The following VDAC1 variants were observed in gnomAD, a reference collection of about 807,000 sequenced individuals.
The protein encoded by VDAC1 is non-selective voltage-gated ion channel VDAC1.
A neutral mutation model predicts 34.7 loss-of-function variants in VDAC1; 10 were observed. The observed-to-expected ratio is 0.29, with a 90% CI of 0.18 to 0.49. The LOEUF (loss-of-function observed/expected upper bound fraction) is 0.49. VDAC1 is among the 20% of genes least tolerant of loss of function. The pLI is 0.99. For missense variants in VDAC1, 230 were observed against 347.9 expected (o/e 0.66, Z 2.69); for synonymous variants, 130 against 136.0 (o/e 0.96, Z 0.30).
chr5:134,045,115 G>C, the VDAC1 span, among the ~76,000 whole-genome samples: 3 of 152,214 alleles, frequency 2.0e-5, no homozygotes, highest in Non-Finnish European at 4.4e-5. Flanking sequence ...AGCCACAGTG[G>C]ACAAAGCTCC....
the VDAC1 span, among the ~76,000 whole-genome samples, chr5:134,017,392 GT>G: frequency 6.6e-6 from 1 of 152,040 alleles, no homozygotes; most frequent in Non-Finnish European, 1.5e-5. Context: ...GGAGGTGGAG[GT>G]TGCAGTGAGC....
chr5:134,046,592 G>A, the VDAC1 span, among the ~76,000 whole-genome samples: 1 of 152,236 alleles, frequency 6.6e-6, no homozygotes, highest in Non-Finnish European at 1.5e-5. Flanking sequence ...GGTGGACAGT[G>A]TTCTGCCTAC....
At chr5:134,031,171 A>T in the VDAC1 span, among the ~76,000 whole-genome samples, 3 of 152,210 alleles carry the variant, frequency 2.0e-5, no homozygotes, top group Admixed American at 6.6e-5. Flanking sequence ...TGATCAAGAA[A>T]GAACTAAATC....
intron 5 of VDAC1, 144 bp downstream of exon 5, chr5:133,990,711 A>G: frequency 1.1e-6 from 1 of 930,842 alleles, no homozygotes; most frequent in Non-Finnish European, 1.6e-6. Context: ...CTGGGACCAA[A>G]TCAAAACCAG....
chr5:134,084,047 G>A, the VDAC1 span, among the ~76,000 whole-genome samples: 7 of 152,176 alleles, frequency 4.6e-5, no homozygotes, highest in African/African-American at 1.2e-4. Context: ...TGCTATCAGC[G>A]GTATTTTTAT....
the VDAC1 span, among the ~76,000 whole-genome samples, chr5:134,027,917 C>G: frequency 6.6e-6 from 1 of 150,874 alleles, no homozygotes; most frequent in Non-Finnish European, 1.5e-5. Flanking sequence ...ATTACAGGCG[C>G]CCACCACCAT....
chr5:134,029,021 C>A, the VDAC1 span, among the ~76,000 whole-genome samples: 4 of 152,116 alleles, frequency 2.6e-5, no homozygotes, highest in African/African-American at 4.8e-5. Context: ...CTGAGCCCTC[C>A]TAGCAGCAGT....
chr5:134,078,333 G>A, the VDAC1 span, among the ~76,000 whole-genome samples: 3 of 152,212 alleles, frequency 2.0e-5, no homozygotes, highest in South Asian at 2.1e-4. Context: ...GGGGGGAGGC[G>A]AGGGATTCGG....
chr5:134,069,219 G>A, the VDAC1 span, among the ~76,000 whole-genome samples: 3 of 152,154 alleles, frequency 2.0e-5, no homozygotes, highest in Non-Finnish European at 4.4e-5. Flanking sequence ...GATCACCAGA[G>A]CTGACTAGAG....
the VDAC1 span, among the ~76,000 whole-genome samples, chr5:134,029,044 C>T: frequency 1.3e-5 from 2 of 152,282 alleles, no homozygotes; most frequent in East Asian, 1.9e-4. Context: ...GGTGACCAAT[C>T]GTTCTGGTTT....
intron 1 of VDAC1, among the ~76,000 whole-genome samples, chr5:134,001,044 T>C (rs1264152856): frequency 1.3e-5 from 2 of 152,228 alleles, no homozygotes; most frequent in Non-Finnish European, 2.9e-5. Flanking sequence ...CCACTGCCAG[T>C]TGGCCCGCAC....
intron 5 of VDAC1, among the ~76,000 whole-genome samples, chr5:133,983,738 T>G (rs1025982199): frequency 6.6e-6 from 1 of 152,130 alleles, no homozygotes; most frequent in Non-Finnish European, 1.5e-5. Context: ...CTGAATCTCA[T>G]GTTGAAATGC....
the VDAC1 span, among the ~76,000 whole-genome samples, chr5:134,016,786 G>A: frequency 2.6e-5 from 4 of 152,372 alleles, no homozygotes; most frequent in African/African-American, 9.6e-5. Context: ...TGCACAGGGT[G>A]CTGGCTTTCA....
the VDAC1 span, among the ~76,000 whole-genome samples, chr5:134,061,984 T>G: frequency 6.6e-6 from 1 of 151,484 alleles, no homozygotes; most frequent in Admixed American, 6.6e-5. Flanking sequence ...GTTTTTTTGG[T>G]TTTGTTTTTT....
the VDAC1 span, among the ~76,000 whole-genome samples, chr5:134,026,094 T>G: frequency 6.6e-6 from 1 of 152,152 alleles, no homozygotes; most frequent in Non-Finnish European, 1.5e-5. Context: ...TCACACTCCC[T>G]GCCCTCATGC....
chr5:134,010,910 C>G, the VDAC1 span, among the ~76,000 whole-genome samples: 1 of 151,846 alleles, frequency 6.6e-6, no homozygotes, highest in South Asian at 2.1e-4. Flanking sequence ...ACCATCACCA[C>G]CGTAAAGCAT....
intron 5 of VDAC1, among the ~76,000 whole-genome samples, chr5:133,985,304 C>T (rs1561587742): frequency 6.6e-6 from 1 of 152,200 alleles, no homozygotes; most frequent in Non-Finnish European, 1.5e-5. Context: ...GTTCAAGTTA[C>T]TTCTGTACAT....
the VDAC1 span, among the ~76,000 whole-genome samples, chr5:134,062,684 T>C: frequency 6.6e-6 from 1 of 151,768 alleles, no homozygotes; most frequent in South Asian, 2.1e-4. Flanking sequence ...TAGAGTGCAA[T>C]GGCGCAATCT....
rs1752505853 is a variant in VDAC1, at chr5:133,976,971, G to T, written c.552-950C>A. Among the ~76,000 whole-genome samples the T allele has an allele frequency of 2.0e-5, 3 of 152,216 alleles. No homozygotes were observed. The South Asian group carries it at 6.2e-4, about 32-fold the overall frequency. On this transcript the variant is annotated intron_variant, in intron 6 of 8. Transcript: ENST00000265333. ...AGGCAGGAGAATCGTCTGAACCCAG[G>T]AGGCAGAGGTTGCAGTGAGCTGAGA...
Sources: allele counts gnomAD v4.1 joint callset (sites outside exome capture counted in the v4.1 genomes callset), GRCh38; gene constraint gnomAD v4.1.1; transcripts MANE v1.5; gene names NCBI Gene and HGNC (gene_info 2026-07-23, HGNC 2026-07-21).